Variants in TMEM132D observed in about 807,000 individuals in gnomAD.
TMEM132D encodes transmembrane protein 132D.
Under a neutral mutation model 62.3 loss-of-function variants are expected in TMEM132D, and 21 were observed. The observed-to-expected ratio is 0.34, with a 90% CI of 0.24 to 0.49. The LOEUF (loss-of-function observed/expected upper bound fraction) is 0.49, where lower values mean the gene tolerates loss of function less well. Among genes scored for constraint, TMEM132D ranks in the 20% least tolerant of loss-of-function variants. The pLI, the probability that TMEM132D is intolerant of heterozygous loss-of-function variation, is 0.99. For synonymous variants in TMEM132D, 621 were observed against 575.6 expected, an observed-to-expected ratio of 1.08 and a Z score of -1.13; for missense variants, 1,346 against 1,402.8, an observed-to-expected ratio of 0.96 and a Z score of 0.65.
At position 129,209,621 on chromosome 12, in the gene TMEM132D, C is replaced by A. The variant is rs779098238; in HGVS notation, c.1342G>T (p.Val448Leu). 1 of 1,614,214 alleles carries A rather than the reference C, an allele frequency of 6.2e-7. No homozygotes were observed. The highest frequency in any genetic ancestry group is 8.5e-7 in the Non-Finnish European group (1 of 1,180,038). ...GAGACCACTTTCACCGGGACGGCCACCGTCTTCCCCGTGAGGATGGCTGTG... is the reference window on the plus strand; with the variant it reads ...GAGACCACTTTCACCGGGACGGCCAACGTCTTCCCCGTGAGGATGGCTGTG... Reference protein sequence around the residue: ...LNTAILTGKTVAVPVKVVSVE... With the variant: ...LNTAILTGKTLAVPVKVVSVE... The change falls in exon 5 of 9, where the codon GTG becomes TTG. Residue 448 changes from valine to leucine, a missense_variant. Transcript: ENST00000422113.
At chr12:129,745,703 C>CTGTTG (rs1176370452) in intron 1 of TMEM132D, among the ~76,000 whole-genome samples, 2 of 152,224 alleles carry the variant, frequency 1.3e-5, no homozygotes, top group Non-Finnish European at 2.9e-5. Context: ...AGAATATCAC[C>CTGTTG]TGTTGTGTTC....
At chr12:129,274,865 C>T (rs1271235136) in intron 4 of TMEM132D, among the ~76,000 whole-genome samples, 2 of 151,984 alleles carry the variant, frequency 1.3e-5, no homozygotes, top group East Asian at 1.9e-4. Context: ...CCAGCCTGGG[C>T]GACAGAGCGA....
chr12:129,571,873 C>T (rs1877523549), intron 2 of TMEM132D, among the ~76,000 whole-genome samples: 1 of 151,820 alleles, frequency 6.6e-6, no homozygotes, highest in Admixed American at 6.6e-5. Context: ...TTAAAAAAAG[C>T]AAAAGCTCCT....
intron 2 of TMEM132D, among the ~76,000 whole-genome samples, chr12:129,684,144 CA>C (rs140145630): frequency 0.032 from 4,863 of 151,970 alleles, 259 homozygotes; most frequent in African/African-American, 0.11. Flanking sequence ...TCCATTTAAA[CA>C]AAAAAAGGCA....
intron 2 of TMEM132D, among the ~76,000 whole-genome samples, chr12:129,618,431 C>T (rs980283796): frequency 1.3e-5 from 2 of 152,194 alleles, no homozygotes; most frequent in South Asian, 2.1e-4. Context: ...ACAGACATTG[C>T]TTTTGCACTA....
In TMEM132D at chr12:129,404,751, T is replaced by C. The variant is rs75488174; in HGVS notation, c.1116-66934A>G. Among the ~76,000 whole-genome samples, 15 of 151,962 alleles carry C rather than the reference T, an allele frequency of 9.9e-5. No homozygotes were observed. The East Asian group carries it at 2.9e-3, about 29-fold the overall frequency. The stretch of plus-strand genomic sequence containing the variant: ...GTGAGATACCTGAGCAAAAACTCAT[T>C]CATCACCAAGGAGATGGTGTTAAGC... On this transcript the variant is annotated intron_variant, in intron 3 of 8. Transcript: ENST00000422113.
chr12:129,118,008 C>T (rs903545143), intron 5 of TMEM132D, among the ~76,000 whole-genome samples: 2 of 152,202 alleles, frequency 1.3e-5, no homozygotes, highest in Non-Finnish European at 2.9e-5. Flanking sequence ...CCCTGAAAGT[C>T]ACTGTTGCTA....
intron 2 of TMEM132D, among the ~76,000 whole-genome samples, chr12:129,692,552 A>G (rs1881086498): frequency 6.6e-6 from 1 of 152,234 alleles, no homozygotes; most frequent in African/African-American, 2.4e-5. Flanking sequence ...TGTTCATTGC[A>G]GCACTATTCA....
intron 8 of TMEM132D, among the ~76,000 whole-genome samples, chr12:129,076,513 G>T (rs1874262307): frequency 6.6e-6 from 1 of 152,186 alleles, no homozygotes; most frequent in Admixed American, 6.5e-5. Context: ...AAATGTGGCT[G>T]GTGGCCTCTG....
intron 1 of TMEM132D, among the ~76,000 whole-genome samples, chr12:129,735,277 C>T (rs1039668055): frequency 6.6e-6 from 1 of 152,168 alleles, no homozygotes; most frequent in South Asian, 2.1e-4. Context: ...ACCTGTCCTG[C>T]TCAACATTTA....
In TMEM132D at chr12:129,169,050, A is replaced by T. The variant is rs1877643021; in HGVS notation, c.1443+40470T>A. 1.3e-5 allele frequency among the ~76,000 whole-genome samples: 2 copies of T among 152,132 alleles called. 1 individual carries two copies. The highest frequency in any genetic ancestry group is 4.1e-4 in the South Asian group (2 of 4,824). On this transcript the variant is annotated intron_variant, in intron 5 of 8. Coordinates refer to ENST00000422113, the MANE Select transcript of TMEM132D (RefSeq NM_133448.3). The stretch of plus-strand genomic sequence containing the variant: ...CTTTGCTGAAATCAGGCTGCTTTTT[A>T]CCCAAATAGCATTTTCGTAAAGCCG...
At chr12:129,271,895 G>A (rs1880862349) in intron 4 of TMEM132D, among the ~76,000 whole-genome samples, 3 of 151,794 alleles carry the variant, frequency 2.0e-5, no homozygotes. Context: ...CTTTCTAGTA[G>A]AATGTTTTAT....
At chr12:129,613,241 C>G (rs1277418285) in intron 2 of TMEM132D, among the ~76,000 whole-genome samples, 1 of 152,036 alleles carries the variant, frequency 6.6e-6, no homozygotes, top group Non-Finnish European at 1.5e-5. Context: ...AAGCACCTGA[C>G]TTCTATTATC....
At chr12:129,468,319 C>T (rs1175956125) in intron 3 of TMEM132D, among the ~76,000 whole-genome samples, 1 of 152,114 alleles carries the variant, frequency 6.6e-6, no homozygotes, top group African/African-American at 2.4e-5. Flanking sequence ...CTGACCCTGG[C>T]TGATTCCTTT....
intron 3 of TMEM132D, among the ~76,000 whole-genome samples, chr12:129,448,887 A>C (rs546509883): frequency 3.9e-5 from 6 of 152,334 alleles, no homozygotes; most frequent in African/African-American, 1.4e-4. Flanking sequence ...TAGTTGTCCC[A>C]ATGCCAGTAA....
In TMEM132D at chr12:129,452,950, C is replaced by G. The variant is rs887564788; in HGVS notation, c.1115+78109G>C. On this transcript the variant is annotated intron_variant, in intron 3 of 8. Coordinates refer to ENST00000422113, the MANE Select transcript of TMEM132D (RefSeq NM_133448.3). The stretch of plus-strand genomic sequence containing the variant: ...CAACCCCCGGGGCCATGGACCCATA[C>G]TGGTTGGTGGCCTGTTAGGTACTGG... Among the ~76,000 whole-genome samples, 8 of 152,286 alleles carry G rather than the reference C, an allele frequency of 5.3e-5. No homozygotes were observed. The East Asian group carries it at 1.5e-3, about 29-fold the overall frequency.
rs554564927 is a variant in TMEM132D, at chr12:129,338,343, G to C, written c.1116-526C>G. Among the ~76,000 whole-genome samples, 37 of 152,268 alleles carry C rather than the reference G, an allele frequency of 2.4e-4. No homozygotes were observed. In the South Asian group the frequency reaches 7.1e-3, roughly 29 times the overall value. On this transcript the variant is annotated intron_variant, in intron 3 of 8. Transcript: ENST00000422113. ...GTGTGCACAACAAACCAGGGTCAAG[G>C]GGGTCGCTGTGATGAGCATGGAGAA...
chr12:129,527,913 G>A (rs561299340), intron 3 of TMEM132D, among the ~76,000 whole-genome samples: 101 of 152,134 alleles, frequency 6.6e-4, no homozygotes, highest in Non-Finnish European at 1.2e-3. Context: ...AGAGATCTTC[G>A]CTCACTCCTG....
intron 5 of TMEM132D, among the ~76,000 whole-genome samples, chr12:129,095,933 A>G (rs544696636): frequency 6.6e-6 from 1 of 152,144 alleles, no homozygotes; most frequent in Non-Finnish European, 1.5e-5. Context: ...TCAGCCATTC[A>G]GTCCCTAGAG....
Sources: allele counts gnomAD v4.1 joint callset (sites outside exome capture counted in the v4.1 genomes callset), GRCh38; gene constraint gnomAD v4.1.1; transcripts MANE v1.5; gene names NCBI Gene and HGNC (gene_info 2026-07-23, HGNC 2026-07-21).